Variants in FUBP3 observed in about 807,000 individuals in gnomAD.
FUBP3 encodes far upstream element-binding protein 3.
In FUBP3, 28 loss-of-function variants were observed where a neutral mutation model predicts 85.6. The ratio of observed to expected loss-of-function variants is 0.33; its 90% CI spans 0.24 to 0.45. The LOEUF is 0.45. FUBP3 is among the 20% of genes least tolerant of loss of function. The pLI, the probability that FUBP3 is intolerant of heterozygous loss-of-function variation, is 1.00. For missense variants in FUBP3, 583 were observed against 755.1 expected (o/e 0.77, Z 2.67); for synonymous variants, 271 against 271.4 (o/e 1.00, Z 0.01).
chr9:130,626,235 G>A (rs1829965453), intron 11 of FUBP3, 129 bp from the exon 12 acceptor site: 1 of 929,124 alleles, frequency 1.1e-6, no homozygotes, highest in Non-Finnish European at 1.6e-6. Context: ...AATGGGAAGT[G>A]TGGAAAGGTG....
At chr9:130,596,448 A>G (rs553969497) in intron 2 of FUBP3, among the ~76,000 whole-genome samples, 3 of 152,206 alleles carry the variant, frequency 2.0e-5, no homozygotes, top group African/African-American at 7.2e-5. Context: ...AAAAGTGCAT[A>G]TTTTTATATA....
chr9:130,612,379 A>G lies in FUBP3; in HGVS notation c.225-77A>G, dbSNP rs918157365. The G allele has an allele frequency of 1.2e-6, 1 of 845,538 alleles. No individual in the cohort carries two copies. Among genetic ancestry groups the G allele is most frequent in the African/African-American group, 1.7e-5 (1 of 58,846 alleles). The allele number at this position is 845,538 out of a possible 1,614,324, so 52.4% of individuals were successfully genotyped here. Reference sequence around the variant, plus strand: ...GCTTTTATCATGCAACATTGCCAGTATGGGCAGTTTGGGGACCTAAAATGG... The same window carrying G: ...GCTTTTATCATGCAACATTGCCAGTGTGGGCAGTTTGGGGACCTAAAATGG... On this transcript the variant is annotated intron_variant, in intron 3 of 18. Coordinates refer to ENST00000319725, the MANE Select transcript of FUBP3 (RefSeq NM_003934.2). This position sits in a 1 kb window ranked among gnomAD's most constrained non-coding sequence, Gnocchi z 4.1.
intron 1 of FUBP3, among the ~76,000 whole-genome samples, chr9:130,595,118 T>C (rs1237139456): frequency 6.7e-6 from 1 of 150,142 alleles, no homozygotes; most frequent in East Asian, 2.0e-4. Flanking sequence ...CCCAGCTACT[T>C]GGGAAGTCGA....
intron 2 of FUBP3, among the ~76,000 whole-genome samples, chr9:130,605,979 G>A (rs1443616442): frequency 6.6e-6 from 1 of 152,114 alleles, no homozygotes; most frequent in Non-Finnish European, 1.5e-5. Flanking sequence ...GCGAGACTCT[G>A]TCTCAAACAA....
At chr9:130,605,876 T>A (rs2119055625) in intron 2 of FUBP3, among the ~76,000 whole-genome samples, 1 of 151,668 alleles carries the variant, frequency 6.6e-6, no homozygotes, top group South Asian at 2.1e-4. Context: ...CCTGGCTACT[T>A]GGTAGGCTGA....
chr9:130,588,947 G>C (rs531106048), intron 1 of FUBP3, among the ~76,000 whole-genome samples: 5 of 152,300 alleles, frequency 3.3e-5, no homozygotes, highest in Admixed American at 2.0e-4. Flanking sequence ...GCTGTGCCGC[G>C]CAGGCTCTGG....
At chr9:130,582,221 TAGG>T (rs1830158230) in intron 1 of FUBP3, 1 of 151,770 alleles carries the variant, frequency 6.6e-6, no homozygotes, top group African/African-American at 2.4e-5. Context: ...GAGGCTGAGG[TAGG>T]AGGATGGCTT....
Position 130,616,006 on chromosome 9 carries a change from CAG to C in FUBP3, c.405-343_405-342del, listed in dbSNP as rs1406294540. ...AGAAGGGTCATGTTGGATGGGGGAA[CAG>C]AGAGATGTAAAGGGATGAAAGATGG... is the stretch of plus-strand genomic sequence containing the variant. On this transcript the variant is annotated intron_variant, in intron 6 of 18. Transcript: ENST00000319725. This position sits in a 1 kb window ranked among gnomAD's most constrained non-coding sequence, Gnocchi z 4.7. 6.6e-6 allele frequency among the ~76,000 whole-genome samples: 1 copy of C among 152,152 alleles called. No individual in the cohort carries two copies. The highest frequency in any genetic ancestry group is 1.5e-5 in the Non-Finnish European group (1 of 68,040).
chr9:130,608,055 G>A (rs1475838389), intron 2 of FUBP3, among the ~76,000 whole-genome samples: 1 of 152,202 alleles, frequency 6.6e-6, no homozygotes, highest in African/African-American at 2.4e-5. Flanking sequence ...AATGGCTTTT[G>A]AACAGGAGCC....
chr9:130,588,741 C>T lies in FUBP3; in HGVS notation c.85-6742C>T, dbSNP rs559657726. On this transcript the variant is annotated intron_variant, in intron 1 of 18. Coordinates refer to ENST00000319725, the MANE Select transcript of FUBP3 (RefSeq NM_003934.2). ...CTTAGTAGGCAGTATGTTTGATGCACTGTCTTCTTTGTAACATTAGGTAGT... is the reference window on the plus strand; with the variant it reads ...CTTAGTAGGCAGTATGTTTGATGCATTGTCTTCTTTGTAACATTAGGTAGT... Among the ~76,000 whole-genome samples the T allele has an allele frequency of 6.6e-5, 10 of 152,302 alleles. No individual in the cohort carries two copies. The South Asian group carries it at 2.1e-3, about 32-fold the overall frequency.
At position 130,612,898 on chromosome 9, in the gene FUBP3, C is replaced by A. The variant is rs1158322572; in HGVS notation, c.275-58C>A. 8.8e-7 allele frequency: 1 copy of A among 1,131,516 alleles called. No homozygotes were observed. Among genetic ancestry groups the A allele is most frequent in the Non-Finnish European group, 1.3e-6 (1 of 743,344 alleles). 70.1% of individuals were successfully genotyped at this position (1,131,516 alleles called of 1,614,324 possible). On this transcript the variant is annotated intron_variant, in intron 4 of 18. Coordinates refer to ENST00000319725, the MANE Select transcript of FUBP3 (RefSeq NM_003934.2). The surrounding 1 kb of genome is among the most constrained non-coding windows in gnomAD (Gnocchi z 4.1). The stretch of plus-strand genomic sequence containing the variant: ...GTTTGTGGAATTAATTCAGTCATTC[C>A]TGCGTGGTGAAATATGGAATAGGGG...
In FUBP3 at chr9:130,626,406, G is replaced by A. The variant is rs1829974437; in HGVS notation, c.1018G>A (p.Gly340Ser). The A allele has an allele frequency of 2.5e-6, 4 of 1,613,994 alleles. No homozygotes were observed. The highest frequency in any genetic ancestry group is 2.2e-5 in the East Asian group (1 of 44,890). The change falls in exon 12 of 19, where the codon GGT becomes AGT. Residue 340 changes from glycine to serine, a missense_variant. Coordinates refer to ENST00000319725, the MANE Select transcript of FUBP3 (RefSeq NM_003934.2). ...FGGLAAARGR[G>S]RGRGDWSVGA... ...AGGCCTGGCAGCAGCCAGAGGAAGA[G>A]GTCGTGGCCGTGGCGACTGGAGCGT...
chr9:130,579,843 G>C (rs1830054960), intron 1 of FUBP3, 79 bp downstream of exon 1: 4 of 871,440 alleles, frequency 4.6e-6, no homozygotes, highest in African/African-American at 3.5e-5. Context: ...TTCGGGCCTG[G>C]GGGGCGGGAG....
At position 130,597,480 on chromosome 9, in the gene FUBP3, G is replaced by A. The variant is rs80103545; in HGVS notation, c.190+1892G>A. 5.5e-3 allele frequency among the ~76,000 whole-genome samples: 838 copies of A among 152,292 alleles called. 10 individuals carry two copies. The highest frequency in any genetic ancestry group is 0.019 in the African/African-American group (786 of 41,558). ...AGAAAAATGTGCCAGAATTCCGGCC[G>A]CTTGGTCTGCCTCTGCTTTTCTAAA... On this transcript the variant is annotated intron_variant, in intron 2 of 18. Transcript: ENST00000319725.
rs917479721 is a variant in FUBP3, at chr9:130,622,320, CAAAAAAAAAA to C, written c.772-375_772-366del. Among the ~76,000 whole-genome samples, 9 of 44,348 alleles carry C rather than the reference CAAAAAAAAAA, an allele frequency of 2.0e-4. No individual in the cohort carries two copies. The East Asian group carries it at 2.1e-3, about 11-fold the overall frequency. 29.1% of individuals were successfully genotyped at this position (44,348 alleles called of 152,430 possible). A position where few individuals can be genotyped will look rare whatever the true frequency, so the allele number is the denominator to read the frequency against. ...GGGCAACAGAGCGAGACTCCATCTC[CAAAAAAAAAA>C]AAAAAAAAAAAAGTGTCCTGGCCAG... is the stretch of plus-strand genomic sequence containing the variant. On this transcript the variant is annotated intron_variant, in intron 9 of 18. Transcript: ENST00000319725.
At chr9:130,601,542 G>A (rs1206801578) in intron 2 of FUBP3, among the ~76,000 whole-genome samples, 1 of 152,144 alleles carries the variant, frequency 6.6e-6, no homozygotes, top group Non-Finnish European at 1.5e-5. Flanking sequence ...GTAAGGCCAT[G>A]CAAGGGGCTT....
intron 11 of FUBP3, among the ~76,000 whole-genome samples, chr9:130,625,743 A>C (rs1198863018): frequency 2.6e-5 from 4 of 152,152 alleles, no homozygotes; most frequent in African/African-American, 4.8e-5. Flanking sequence ...CATGGGGAGG[A>C]GGCCTTGGCA....
chr9:130,583,008 T>C lies in FUBP3; in HGVS notation c.84+3244T>C, dbSNP rs187092291. Among the ~76,000 whole-genome samples, 507 of 152,344 alleles carry C rather than the reference T, an allele frequency of 3.3e-3. 4 individuals carry two copies. The highest frequency in any genetic ancestry group is 0.011 in the African/African-American group (478 of 41,584). On this transcript the variant is annotated intron_variant, in intron 1 of 18. Transcript: ENST00000319725. The stretch of plus-strand genomic sequence containing the variant: ...AGACCCACTCAATGCCTCTGGATTG[T>C]ATAACTACAGCATATAATGTTGATA...
chr9:130,586,982 CT>C (rs760809281), intron 1 of FUBP3, among the ~76,000 whole-genome samples: 33 of 151,930 alleles, frequency 2.2e-4, no homozygotes, highest in Non-Finnish European at 3.8e-4. Context: ...AACTCCTGAC[CT>C]TGTGATCCAC....
Sources: allele counts gnomAD v4.1 joint callset (sites outside exome capture counted in the v4.1 genomes callset), GRCh38; gene constraint gnomAD v4.1.1; non-coding constraint Gnocchi (gnomAD v3.1); transcripts MANE v1.5; gene names NCBI Gene and HGNC (gene_info 2026-07-23, HGNC 2026-07-21).